Variants in FNDC3B observed in about 807,000 individuals in gnomAD.
The protein encoded by FNDC3B is fibronectin type III domain containing 3B, also known as fibronectin type III domain-containing protein 3B.
FNDC3B carries 12 observed loss-of-function variants against 151.5 expected under a neutral mutation model. The ratio of observed to expected loss-of-function variants is 0.08; its 90% CI spans 0.05 to 0.13. The LOEUF is 0.13. Among genes scored for constraint, FNDC3B ranks in the 10% least tolerant of loss-of-function variants. The pLI is 1.00. For synonymous variants in FNDC3B, 528 were observed against 549.0 expected (o/e 0.96, Z 0.54); for missense variants, 1,214 against 1,505.3 (o/e 0.81, Z 3.20).
intron 1 of FNDC3B, among the ~76,000 whole-genome samples, chr3:172,055,608 T>G (rs1716876107): frequency 6.6e-6 from 1 of 152,128 alleles, no homozygotes; most frequent in Admixed American, 6.5e-5. Context: ...TTATTTTAGC[T>G]TCATTTAGTG....
chr3:172,182,454 G>A (rs1723961198), intron 3 of FNDC3B, among the ~76,000 whole-genome samples: 1 of 152,208 alleles, frequency 6.6e-6, no homozygotes, highest in South Asian at 2.1e-4. Context: ...TGTAAGAACT[G>A]ATGATCAGGA....
intron 3 of FNDC3B, among the ~76,000 whole-genome samples, chr3:172,143,757 A>T (rs552408554): frequency 6.6e-6 from 1 of 151,940 alleles, no homozygotes; most frequent in African/African-American, 2.4e-5. Context: ...AAAAATACAA[A>T]AATTAGCTGG....
chr3:172,321,766 T>A, intron 11 of FNDC3B: 1 of 187,838 alleles, frequency 5.3e-6, no homozygotes, highest in Non-Finnish European at 1.0e-5. Context: ...TTTTTATAAA[T>A]TTTTTTTAGT....
At chr3:172,069,813 G>T (rs1293130068) in intron 1 of FNDC3B, among the ~76,000 whole-genome samples, 1 of 152,108 alleles carries the variant, frequency 6.6e-6, no homozygotes, top group Non-Finnish European at 1.5e-5. Flanking sequence ...ATTTTAGGGG[G>T]GCTACTAAAG....
intron 21 of FNDC3B, among the ~76,000 whole-genome samples, chr3:172,349,142 A>G (rs893496481): frequency 5.3e-5 from 8 of 151,980 alleles, no homozygotes; most frequent in African/African-American, 1.9e-4. Flanking sequence ...AAAAAAATAC[A>G]AAAATTAGCC....
At chr3:172,254,509 CCTT>C (rs1252270990) in intron 6 of FNDC3B, among the ~76,000 whole-genome samples, 2 of 152,182 alleles carry the variant, frequency 1.3e-5, no homozygotes, top group Non-Finnish European at 2.9e-5. Context: ...TTCTCTCCCT[CCTT>C]CTAGTACCTG....
At position 172,247,590 on chromosome 3, in the gene FNDC3B, T is replaced by A. The variant is rs1560038440; in HGVS notation, c.322T>A (p.Cys108Ser). Residue 108 changes from cysteine (C) to serine (S), a missense_variant, in exon 5 of 26, where the codon TGT becomes AGT. Physicochemically the swap from Cys to Ser is moderately radical, Grantham distance 112. This residue lies in a region of FNDC3B where 113 missense variants were observed against 177.8 expected (regional missense o/e 0.64). Transcript: ENST00000415807. The part of the protein sequence containing the change: ...RVVVTPQSPE[C>S]YPPSYPSAMS... ...GGTGGTCACACCCCAGTCTCCTGAG[T>A]GTTATCCCCCAAGCTACCCCTCAGC... 3 of 1,613,798 alleles carry A rather than the reference T, an allele frequency of 1.9e-6. No homozygotes were observed. The highest frequency in any genetic ancestry group is 1.7e-6 in the Non-Finnish European group (2 of 1,179,862).
At chr3:172,218,138 A>G (rs1315898822) in intron 3 of FNDC3B, among the ~76,000 whole-genome samples, 1 of 147,996 alleles carries the variant, frequency 6.8e-6, no homozygotes, top group Non-Finnish European at 1.5e-5. Context: ...TTTCAGGAAA[A>G]AAAAAAAAAA....
At chr3:172,357,842 A>G (rs1375384407) in intron 22 of FNDC3B, among the ~76,000 whole-genome samples, 1 of 152,196 alleles carries the variant, frequency 6.6e-6, no homozygotes, top group Non-Finnish European at 1.5e-5. Flanking sequence ...CTGAAACAAA[A>G]TGTGTTTTTG....
At chr3:172,229,121 ACACACACACACACAC>A (rs1560028743) in intron 4 of FNDC3B, among the ~76,000 whole-genome samples, 14 of 151,118 alleles carry the variant, frequency 9.3e-5, no homozygotes, top group South Asian at 4.2e-4. Context: ...ACACACACAC[ACACACACACACACAC>A]AATCTCCTGC....
chr3:172,281,869 C>T (rs912169575), intron 6 of FNDC3B, among the ~76,000 whole-genome samples: 9 of 152,014 alleles, frequency 5.9e-5, no homozygotes, highest in African/African-American at 2.2e-4. Flanking sequence ...ATTCTTCTTT[C>T]CTTCACAATA....
intron 23 of FNDC3B, among the ~76,000 whole-genome samples, chr3:172,371,441 A>C (rs1460840618): frequency 6.6e-6 from 1 of 152,184 alleles, no homozygotes; most frequent in African/African-American, 2.4e-5. Flanking sequence ...TCATTGGTAA[A>C]TCACCAACAT....
At chr3:172,363,395 A>G (rs1734457120) in intron 23 of FNDC3B, among the ~76,000 whole-genome samples, 2 of 152,100 alleles carry the variant, frequency 1.3e-5, no homozygotes, top group South Asian at 2.1e-4. Flanking sequence ...TCAAAATCAA[A>G]TGTAGCCTTT....
chr3:172,318,732 C>A (rs1373645053), intron 11 of FNDC3B, among the ~76,000 whole-genome samples: 1 of 152,104 alleles, frequency 6.6e-6, no homozygotes, highest in African/African-American at 2.4e-5. Flanking sequence ...CATTCCCCTG[C>A]CCAGGCCCAC....
intron 1 of FNDC3B, among the ~76,000 whole-genome samples, chr3:172,100,476 G>A (rs1213627377): frequency 2.6e-5 from 4 of 152,128 alleles, no homozygotes; most frequent in Non-Finnish European, 4.4e-5. Context: ...TCTGTCGAGA[G>A]AAAATATTTT....
At chr3:172,262,736 C>G (rs780987780) in intron 6 of FNDC3B, among the ~76,000 whole-genome samples, 1 of 150,732 alleles carries the variant, frequency 6.6e-6, no homozygotes, top group South Asian at 2.1e-4. Flanking sequence ...GACCCCATCT[C>G]TGACAAAAAA....
intron 3 of FNDC3B, among the ~76,000 whole-genome samples, chr3:172,140,739 A>G (rs115791117): frequency 1.8e-4 from 28 of 152,346 alleles, no homozygotes; most frequent in African/African-American, 6.5e-4. Context: ...TTACGTCAAT[A>G]CCAAACTATG....
chr3:172,220,204 AGT>A (rs1726211935), intron 3 of FNDC3B, among the ~76,000 whole-genome samples: 1 of 151,704 alleles, frequency 6.6e-6, no homozygotes, highest in South Asian at 2.1e-4. Flanking sequence ...TAGCCATCCT[AGT>A]GTGTGTGAAG....
At chr3:172,088,669 T>A (rs1447864899) in intron 1 of FNDC3B, among the ~76,000 whole-genome samples, 5 of 152,238 alleles carry the variant, frequency 3.3e-5, no homozygotes, top group African/African-American at 9.6e-5. Flanking sequence ...AAGAGAATGG[T>A]TTCATAAATT....
Sources: allele counts gnomAD v4.1 joint callset (sites outside exome capture counted in the v4.1 genomes callset), GRCh38; gene constraint gnomAD v4.1.1; regional missense constraint gnomAD v4.1.1; transcripts MANE v1.5; gene names NCBI Gene and HGNC (gene_info 2026-07-23, HGNC 2026-07-21).